RPS6KC1: variants seen among roughly 807,000 people sequenced by gnomAD.
RPS6KC1 encodes the protein ribosomal protein S6 kinase C1, also known as inactive ribosomal protein S6 kinase delta-1.
RPS6KC1 carries 54 observed loss-of-function variants against 103.8 expected under a neutral mutation model. The ratio of observed to expected loss-of-function variants is 0.52; its 90% CI spans 0.42 to 0.65. The LOEUF is 0.65. RPS6KC1 is among the 30% of genes least tolerant of loss of function. The pLI, the probability that RPS6KC1 is intolerant of heterozygous loss-of-function variation, is 0.00. For synonymous variants in RPS6KC1, 439 were observed against 438.7 expected (o/e 1.00, Z -0.01); for missense variants, 1,151 against 1,253.8 (o/e 0.92, Z 1.24).
intron 7 of RPS6KC1, among the ~76,000 whole-genome samples, chr1:213,170,378 C>T (rs2091377368): frequency 1.3e-5 from 2 of 152,166 alleles, no homozygotes; most frequent in Admixed American, 1.3e-4. Context: ...AAGCTGATTA[C>T]ATTTGATTAT....
intron 3 of RPS6KC1, among the ~76,000 whole-genome samples, chr1:213,082,546 A>G (rs559013302): frequency 6.6e-6 from 1 of 152,334 alleles, no homozygotes; most frequent in East Asian, 1.9e-4. Context: ...ACTGGAGGGA[A>G]GATCCCTCTT....
chr1:213,335,750 G>T, the RPS6KC1 span, among the ~76,000 whole-genome samples: 7 of 152,230 alleles, frequency 4.6e-5, no homozygotes, highest in African/African-American at 1.7e-4. Flanking sequence ...AAGGGGCAGA[G>T]CTGATGTAAG....
chr1:213,787,413 T>C, the RPS6KC1 span, among the ~76,000 whole-genome samples: 2 of 152,066 alleles, frequency 1.3e-5, no homozygotes, highest in South Asian at 4.1e-4. Flanking sequence ...GTGCTATTAA[T>C]GAAAAGATGG....
chr1:213,651,389 A>G, the RPS6KC1 span, among the ~76,000 whole-genome samples: 1 of 152,198 alleles, frequency 6.6e-6, no homozygotes, highest in African/African-American at 2.4e-5. Flanking sequence ...AAACAATGAT[A>G]ACAAAGACAA....
At chr1:213,308,736 T>A in the RPS6KC1 span, among the ~76,000 whole-genome samples, 1 of 152,170 alleles carries the variant, frequency 6.6e-6, no homozygotes, top group Non-Finnish European at 1.5e-5. Context: ...TACTCGAACA[T>A]CTCTCCCTGC....
the RPS6KC1 span, among the ~76,000 whole-genome samples, chr1:213,765,904 C>A: frequency 6.6e-6 from 1 of 152,068 alleles, no homozygotes; most frequent in Non-Finnish European, 1.5e-5. Context: ...TTAATTTAAA[C>A]CAAGTGATGA....
At chr1:213,469,937 C>T in the RPS6KC1 span, among the ~76,000 whole-genome samples, 4 of 152,076 alleles carry the variant, frequency 2.6e-5, no homozygotes, top group Admixed American at 6.6e-5. Flanking sequence ...GCAGGAGGAC[C>T]GCTTGAGCCT....
chr1:213,613,329 T>C, the RPS6KC1 span, among the ~76,000 whole-genome samples: 2 of 152,310 alleles, frequency 1.3e-5, no homozygotes, highest in East Asian at 3.9e-4. Context: ...TTTCTGCTAT[T>C]TACTATGAAA....
intron 3 of RPS6KC1, among the ~76,000 whole-genome samples, chr1:213,101,649 G>A (rs959349657): frequency 6.6e-6 from 1 of 152,036 alleles, no homozygotes; most frequent in African/African-American, 2.4e-5. Context: ...TTCTCAACAA[G>A]TAGTTAATGC....
At chr1:213,733,060 A>G in the RPS6KC1 span, among the ~76,000 whole-genome samples, 1 of 152,140 alleles carries the variant, frequency 6.6e-6, no homozygotes, top group Non-Finnish European at 1.5e-5. Flanking sequence ...GGACTATTAG[A>G]TTGACTCCAT....
At chr1:213,779,781 AAGGAGATGCGC>A in the RPS6KC1 span, among the ~76,000 whole-genome samples, 1 of 152,228 alleles carries the variant, frequency 6.6e-6, no homozygotes, top group Non-Finnish European at 1.5e-5. Context: ...TAGTTGCCAC[AAGGAGATGCGC>A]AGAAAAGTTC....
chr1:213,791,539 C>T, the RPS6KC1 span, among the ~76,000 whole-genome samples: 1 of 152,072 alleles, frequency 6.6e-6, no homozygotes, highest in Non-Finnish European at 1.5e-5. Context: ...TTTCAATAGC[C>T]TGATCCATTC....
At chr1:213,815,029 C>T in the RPS6KC1 span, among the ~76,000 whole-genome samples, 1 of 152,124 alleles carries the variant, frequency 6.6e-6, no homozygotes, top group East Asian at 1.9e-4. Flanking sequence ...CCATAATCTC[C>T]ACGTGTCATG....
rs192150936 is a variant in RPS6KC1 at position 213,108,839 on chromosome 1, A to G, written c.378+4270A>G. 2.7e-3 allele frequency among the ~76,000 whole-genome samples: 414 copies of G among 152,014 alleles called. 4 individuals carry two copies. The highest frequency in any genetic ancestry group is 9.5e-3 in the African/African-American group (395 of 41,488). ...TATTTTTAAATTTTTTTGTAGAGAC[A>G]GGTTCTCACTGTGTTGCCCAGGCTG... On this transcript the variant is annotated intron_variant, in intron 4 of 14. Coordinates refer to ENST00000366960, the MANE Select transcript of RPS6KC1 (RefSeq NM_012424.6).
chr1:213,843,598 GA>G, the RPS6KC1 span: 1 of 152,078 alleles, frequency 6.6e-6, no homozygotes, highest in African/African-American at 2.4e-5. Flanking sequence ...CCATTCCAGT[GA>G]ATTTTAGAAA....
the RPS6KC1 span, among the ~76,000 whole-genome samples, chr1:213,440,278 T>C: frequency 6.6e-6 from 1 of 152,122 alleles, no homozygotes; most frequent in Non-Finnish European, 1.5e-5. Context: ...TATGTCAGGC[T>C]CAGGGCTAAG....
chr1:213,324,563 A>C, the RPS6KC1 span, among the ~76,000 whole-genome samples: 1 of 148,928 alleles, frequency 6.7e-6, no homozygotes, highest in African/African-American at 2.5e-5. Context: ...TAATACAGAC[A>C]CTATTCAACC....
At chr1:213,561,219 A>C in the RPS6KC1 span, among the ~76,000 whole-genome samples, 1 of 152,178 alleles carries the variant, frequency 6.6e-6, no homozygotes, top group East Asian at 1.9e-4. Flanking sequence ...GTCTTTGAAG[A>C]CTTTCTTTTC....
chr1:213,310,892 A>G, the RPS6KC1 span, among the ~76,000 whole-genome samples: 607 of 152,254 alleles, frequency 4.0e-3, 3 homozygotes, highest in African/African-American at 0.013. Context: ...TGGGCACTGC[A>G]TGGATCCATC....
Sources: gnomAD v4.1 joint callset for allele counts (sites outside exome capture counted in the v4.1 genomes callset) on GRCh38, gnomAD v4.1.1 for gene constraint, MANE v1.5 for transcripts, NCBI Gene and HGNC (gene_info 2026-07-23, HGNC 2026-07-21) for gene names.